The following OSBPL9 variants were observed in gnomAD, a reference collection of about 807,000 sequenced individuals.
OSBPL9 encodes the protein oxysterol binding protein like 9.
In OSBPL9, 40 loss-of-function variants were observed where a neutral mutation model predicts 106.6. The observed-to-expected ratio is 0.38, with a 90% CI of 0.29 to 0.49. OSBPL9 has a LOEUF of 0.49. Ranked by LOEUF, OSBPL9 falls within the 20% of genes least tolerant of loss-of-function variation. The pLI is 0.97. For missense variants in OSBPL9, 609 were observed against 887.2 expected (o/e 0.69, Z 3.98); for synonymous variants, 269 against 295.4 (o/e 0.91, Z 0.92).
At chr1:51,586,724 GT>G in intron 1 of OSBPL9, among the ~76,000 whole-genome samples, 1 of 152,202 alleles carries the variant, frequency 6.6e-6, no homozygotes, top group East Asian at 1.9e-4. Context: ...AGAGGCTAAT[GT>G]TTTGCCCCAG....
chr1:51,544,781 C>A, the OSBPL9 span, among the ~76,000 whole-genome samples: 1 of 150,354 alleles, frequency 6.7e-6, no homozygotes, highest in Non-Finnish European at 1.5e-5. Context: ...AAGTGAATCT[C>A]ACCAATGGGA....
chr1:51,668,817 A>G (rs1649157165), intron 2 of OSBPL9, among the ~76,000 whole-genome samples: 1 of 152,162 alleles, frequency 6.6e-6, no homozygotes, highest in South Asian at 2.1e-4. Context: ...TGTATCAAAT[A>G]AAATAGTCCT....
chr1:51,784,950 G>C (rs1677253861), intron 20 of OSBPL9: 1 of 225,950 alleles, frequency 4.4e-6, no homozygotes, highest in Non-Finnish European at 8.7e-6. Context: ...ACTGCCTCCT[G>C]GTCCTCACAG....
chr1:51,656,680 T>G (rs1457241356), intron 2 of OSBPL9, among the ~76,000 whole-genome samples: 1 of 146,212 alleles, frequency 6.8e-6, no homozygotes, highest in African/African-American at 2.5e-5. Context: ...CCCCAACTTT[T>G]GACAGGATCT....
intron 1 of OSBPL9, among the ~76,000 whole-genome samples, chr1:51,584,773 T>C (rs892491348): frequency 4.6e-5 from 7 of 152,026 alleles, no homozygotes; most frequent in African/African-American, 2.4e-5. Context: ...TTGCACATCC[T>C]CTGGTTGCTG....
At chr1:51,649,256 A>C (rs1646358255) in intron 1 of OSBPL9, among the ~76,000 whole-genome samples, 2 of 152,018 alleles carry the variant, frequency 1.3e-5, no homozygotes, top group South Asian at 4.1e-4. Context: ...ACAGGTGTGC[A>C]CCACCATGCC....
At chr1:51,592,931 A>G (rs1259576207) in intron 1 of OSBPL9, among the ~76,000 whole-genome samples, 1 of 152,170 alleles carries the variant, frequency 6.6e-6, no homozygotes, top group African/African-American at 2.4e-5. Flanking sequence ...GGGCAGGGAA[A>G]TGGGCCCTCA....
At chr1:51,554,635 CCA>C in the OSBPL9 span, among the ~76,000 whole-genome samples, 3 of 152,192 alleles carry the variant, frequency 2.0e-5, no homozygotes, top group Non-Finnish European at 4.4e-5. Context: ...GTTCTTTCTC[CCA>C]CCTCTCAGGG....
chr1:51,756,423 GGAGAA>G, intron 9 of OSBPL9, 65 bp downstream of exon 9: 4 of 1,485,282 alleles, frequency 2.7e-6, no homozygotes, highest in South Asian at 1.2e-5. Flanking sequence ...AGTCATATCA[GGAGAA>G]GCCTGAATTA....
chr1:51,589,989 C>T (rs564628478), intron 1 of OSBPL9, among the ~76,000 whole-genome samples: 5 of 142,960 alleles, frequency 3.5e-5, no homozygotes, highest in South Asian at 2.2e-4. Flanking sequence ...GCTGAGGTTG[C>T]GCCCCTGCAC....
intron 9 of OSBPL9, 58 bp downstream of exon 9, chr1:51,756,416 C>A: frequency 1.3e-6 from 2 of 1,520,166 alleles, no homozygotes; most frequent in South Asian, 2.3e-5. Flanking sequence ...TATAACCAGT[C>A]ATATCAGGAG....
chr1:51,547,592 C>T, the OSBPL9 span, among the ~76,000 whole-genome samples: 1 of 151,916 alleles, frequency 6.6e-6, no homozygotes, highest in African/African-American at 2.4e-5. Context: ...CCTGTGAATC[C>T]CAGCACTTTG....
intron 3 of OSBPL9, among the ~76,000 whole-genome samples, chr1:51,676,298 G>T (rs985761751): frequency 6.6e-6 from 1 of 151,914 alleles, no homozygotes; most frequent in Non-Finnish European, 1.5e-5. Context: ...AGGGATGGTG[G>T]TGCGTGCTGT....
intron 2 of OSBPL9, among the ~76,000 whole-genome samples, chr1:51,599,557 T>C (rs971442458): frequency 6.6e-6 from 1 of 152,172 alleles, no homozygotes; most frequent in Admixed American, 6.5e-5. Flanking sequence ...AGATTTGTCA[T>C]AAGTCTAATA....
At chr1:51,772,041 C>A in intron 12 of OSBPL9, 29 bp from the exon 13 acceptor site, 1 of 1,559,472 alleles carries the variant, frequency 6.4e-7, no homozygotes, top group Non-Finnish European at 8.8e-7. Flanking sequence ...CTTTCTTTAG[C>A]TTAAATAAGG....
At chr1:51,779,000 C>T (rs1374536877) in intron 15 of OSBPL9, among the ~76,000 whole-genome samples, 1 of 152,122 alleles carries the variant, frequency 6.6e-6, no homozygotes, top group African/African-American at 2.4e-5. Context: ...GGCAATTAAG[C>T]AATGCACTTA....
chr1:51,749,904 T>C (rs1668881144), intron 7 of OSBPL9, among the ~76,000 whole-genome samples: 1 of 150,980 alleles, frequency 6.6e-6, no homozygotes, highest in Admixed American at 6.6e-5. Flanking sequence ...AAAAAAAAAT[T>C]AGATATTATT....
chr1:51,576,347 C>T (rs1307139837), upstream of OSBPL9, among the ~76,000 whole-genome samples: 6 of 152,180 alleles, frequency 3.9e-5, no homozygotes. Context: ...GATCCTGCTT[C>T]TCTGACCATC....
intron 3 of OSBPL9, among the ~76,000 whole-genome samples, chr1:51,676,657 TAA>T (rs745556662): frequency 2.8e-4 from 25 of 88,828 alleles, no homozygotes; most frequent in Admixed American, 5.2e-4. Flanking sequence ...AGACTCCATC[TAA>T]AAAAAAAAAA....
Sources: gnomAD v4.1 joint callset for allele counts (sites outside exome capture counted in the v4.1 genomes callset) on GRCh38, gnomAD v4.1.1 for gene constraint, MANE v1.5 for transcripts, NCBI Gene and HGNC (gene_info 2026-07-23, HGNC 2026-07-21) for gene names.